The following CDH26 variants were observed in gnomAD, a reference collection of about 807,000 sequenced individuals.
The protein encoded by CDH26 is cadherin 26.
Under a neutral mutation model 90.3 loss-of-function variants are expected in CDH26, and 83 were observed. The observed-to-expected ratio is 0.92, with a 90% CI of 0.77 to 1.10. The LOEUF (loss-of-function observed/expected upper bound fraction) is 1.10. Ranked by LOEUF, CDH26 falls within the 50% of genes least tolerant of loss-of-function variation. The pLI, the probability that CDH26 is intolerant of heterozygous loss-of-function variation, is 0.00. For synonymous variants in CDH26, 397 were observed against 396.3 expected (o/e 1.00, Z -0.02); for missense variants, 1,013 against 1,037.6 (o/e 0.98, Z 0.33).
At chr20:60,034,943 C>T (rs1307317119), downstream of CDH26, among the ~76,000 whole-genome samples, 1 of 152,210 alleles carries the variant, frequency 6.6e-6, no homozygotes, top group Non-Finnish European at 1.5e-5. Flanking sequence ...TGGACTCCTT[C>T]CCATCCCAGA....
chr20:59,968,371 A>G (rs943696645), intron 1 of CDH26, among the ~76,000 whole-genome samples: 2 of 152,110 alleles, frequency 1.3e-5, no homozygotes, highest in African/African-American at 4.8e-5. Context: ...TGCTAGGATT[A>G]CACGCGTGAG....
intron 1 of CDH26, among the ~76,000 whole-genome samples, chr20:59,964,770 CTG>C (rs2061125016): frequency 1.3e-5 from 2 of 152,208 alleles, no homozygotes; most frequent in Admixed American, 1.3e-4. Context: ...TGACTGTCAA[CTG>C]TGCCGTTTAT....
rs543509787 is a variant in CDH26 at position 59,973,388 on chromosome 20, TTTATTA to T, written c.393+1277_393+1282del. Among the ~76,000 whole-genome samples the T allele has an allele frequency of 6.2e-4, 94 of 152,280 alleles. 1 individual carries two copies. The South Asian group carries it at 0.017, about 27-fold the overall frequency. On this transcript the variant is annotated intron_variant, in intron 4 of 17. Transcript: ENST00000348616. ...TCAATATTTTATTTTTTCCTTTCCT[TTTATTA>T]TTATTATTATTTTTAACTTTCATTT...
intron 14 of CDH26, among the ~76,000 whole-genome samples, chr20:60,000,251 T>G (rs902921225): frequency 1.4e-4 from 21 of 152,140 alleles, no homozygotes; most frequent in African/African-American, 5.1e-4. Context: ...GAAACAGAAT[T>G]AGAAAGGGAA....
exon 9 of CDH26, chr20:60,033,832 G>A (rs2062063914): frequency 1.0e-5 from 11 of 1,062,618 alleles, no homozygotes; most frequent in Non-Finnish European, 1.3e-5. Context: ...AATGTGCAAA[G>A]CCCTGGTCAT....
downstream of CDH26, among the ~76,000 whole-genome samples, chr20:60,016,177 T>C (rs866638624): frequency 5.9e-5 from 9 of 152,306 alleles, no homozygotes; most frequent in Middle Eastern, 3.4e-3. Flanking sequence ...GGTGTTTTGA[T>C]AGGGATTGCA....
intron 8 of CDH26, among the ~76,000 whole-genome samples, chr20:60,033,004 A>T (rs1054529647): frequency 2.6e-4 from 39 of 152,138 alleles, no homozygotes; most frequent in African/African-American, 9.4e-4. Context: ...ATAATAATAA[A>T]AAAAAAAGAA....
At chr20:59,991,488 G>C (rs2061527298) in intron 9 of CDH26, among the ~76,000 whole-genome samples, 1 of 152,198 alleles carries the variant, frequency 6.6e-6, no homozygotes, top group African/African-American at 2.4e-5. Flanking sequence ...GGAACTCTGA[G>C]TTTCTTCCCC....
chr20:59,979,062 A>G (rs1196776843), intron 4 of CDH26, among the ~76,000 whole-genome samples: 1 of 151,972 alleles, frequency 6.6e-6, no homozygotes, highest in Non-Finnish European at 1.5e-5. Context: ...CTCCCAATAC[A>G]TTTACCTTGT....
At chr20:60,004,163 C>G (rs2061711687) in intron 16 of CDH26, among the ~76,000 whole-genome samples, 1 of 152,202 alleles carries the variant, frequency 6.6e-6, no homozygotes, top group African/African-American at 2.4e-5. Context: ...GTGGTCCACA[C>G]CTTGCCTCTT....
At chr20:60,018,416 A>G, downstream of CDH26, among the ~76,000 whole-genome samples, 1 of 152,018 alleles carries the variant, frequency 6.6e-6, no homozygotes. Flanking sequence ...ATATAAGTAT[A>G]GCTACTCCAG....
In CDH26 at chr20:59,985,035, G is replaced by A. The variant is rs1394293554; in HGVS notation, c.743G>A (p.Arg248Lys). 1.2e-6 allele frequency: 2 copies of A among 1,613,972 alleles called. No individual in the cohort carries two copies. The highest frequency in any genetic ancestry group is 1.3e-5 in the African/African-American group (1 of 74,900). ...CAGTTTACACTGCTAATCAGAGCCA[G>A]GGACTGTGGAGAACCGTCACTGTCA... ...APQFTLLIRA[R>K]DCGEPSLSST... is the part of the protein sequence containing the mutation. Residue 248 changes from arginine to lysine, a missense_variant, in exon 7 of 18, where the codon AGG becomes AAG. By Grantham distance (26) the Arg-to-Lys change is conservative. Coordinates refer to ENST00000348616, the MANE Select transcript of CDH26 (RefSeq NM_177980.4).
At chr20:60,005,024 G>A (rs1198183846) in intron 16 of CDH26, among the ~76,000 whole-genome samples, 1 of 151,852 alleles carries the variant, frequency 6.6e-6, no homozygotes, top group Non-Finnish European at 1.5e-5. Flanking sequence ...CCCCGAGACA[G>A]CAAGACCAAC....
rs545985338 is a variant in CDH26 at position 60,028,982 on chromosome 20, G to A, written c.948-2249G>A. 2.6e-5 allele frequency among the ~76,000 whole-genome samples: 4 copies of A among 152,264 alleles called. No homozygotes were observed. The East Asian group carries it at 7.7e-4, about 29-fold the overall frequency. ...AAAGAGACGCGATATAGACACACAA[G>A]GGGATGCTATTCAGCCTTCCAAAAA... On this transcript the variant is annotated intron_variant, in intron 7 of 8. Transcript: ENST00000370991.
At chr20:60,023,957 GAGGGAGAGAGAGAGA>G (rs2061977326) in intron 7 of CDH26, among the ~76,000 whole-genome samples, 1 of 123,918 alleles carries the variant, frequency 8.1e-6, no homozygotes, top group Non-Finnish European at 1.7e-5. Flanking sequence ...TATGCTGACA[GAGGGAGAGAGAGAGA>G]GAGAGAGAGA....
intron 7 of CDH26, among the ~76,000 whole-genome samples, chr20:60,020,587 T>C (rs1299472705): frequency 2.0e-5 from 3 of 152,026 alleles, no homozygotes; most frequent in African/African-American, 4.8e-5. Context: ...GTGGGCTTGG[T>C]GGAATGAATA....
chr20:60,028,117 C>A (rs1259519423), intron 7 of CDH26, among the ~76,000 whole-genome samples: 1 of 152,180 alleles, frequency 6.6e-6, no homozygotes, highest in African/African-American at 2.4e-5. Context: ...TCTGTGTAAT[C>A]ATCACCACTG....
In CDH26 at chr20:59,995,888, G is replaced by T. The variant is rs1190616832; in HGVS notation, c.1722G>T (p.Val574=). ...LRSLPRGNYL[V]PLFIGDKQGL... ...GCCTGCCACGTGGTAATTACTTGGT[G>T]CCACTCTTCATTGGAGACAAACAGG... Residue 574 remains valine (V), a synonymous_variant, in exon 12 of 18, where the codon GTG becomes GTT. Coordinates refer to ENST00000348616, the MANE Select transcript of CDH26 (RefSeq NM_177980.4). 1.2e-5 allele frequency: 19 copies of T among 1,614,114 alleles called. No homozygotes were observed. The Admixed American group carries it at 3.0e-4, about 25-fold the overall frequency.
chr20:59,995,902 G>C lies in CDH26; in HGVS notation c.1736G>C (p.Gly579Ala). 6.2e-7 allele frequency: 1 copy of C among 1,614,234 alleles called. No individual in the cohort carries two copies. Among genetic ancestry groups the C allele is most frequent in the Non-Finnish European group, 8.5e-7 (1 of 1,180,042 alleles). ...RGNYLVPLFI[G>A]DKQGLSQKQT... ...AATTACTTGGTGCCACTCTTCATTGGAGACAAACAGGGACTTTCCCAGAAG... is the reference window on the plus strand; with the variant it reads ...AATTACTTGGTGCCACTCTTCATTGCAGACAAACAGGGACTTTCCCAGAAG... Residue 579 changes from glycine (G) to alanine (A), a missense_variant, in exon 12 of 18, where the codon GGA (glycine) becomes GCA (alanine). Physicochemically the swap from Gly to Ala is moderately conservative, Grantham distance 60. Coordinates refer to ENST00000348616, the MANE Select transcript of CDH26 (RefSeq NM_177980.4).
Sources: gnomAD v4.1 joint callset for allele counts (sites outside exome capture counted in the v4.1 genomes callset) on GRCh38, gnomAD v4.1.1 for gene constraint, MANE v1.5 for transcripts, NCBI Gene and HGNC (gene_info 2026-07-23, HGNC 2026-07-21) for gene names.